Variants in EPG5 observed in about 807,000 individuals in gnomAD.
The protein encoded by EPG5 is ectopic P granules protein 5 homolog.
Under a neutral mutation model 302.7 loss-of-function variants are expected in EPG5, and 159 were observed. The observed-to-expected ratio is 0.53, with a 90% confidence interval of 0.46 to 0.60. The LOEUF (loss-of-function observed/expected upper bound fraction) is 0.60. Ranked by LOEUF, EPG5 falls within the 20% of genes least tolerant of loss-of-function variation. The pLI, the probability that EPG5 is intolerant of heterozygous loss-of-function variation, is 0.00. For missense variants in EPG5, 2,896 were observed against 3,092.4 expected (o/e 0.94, Z 1.51); for synonymous variants, 1,158 against 1,136.8 (o/e 1.02, Z -0.37).
At chr18:45,824,630 G>C in the EPG5 span, among the ~76,000 whole-genome samples, 1 of 152,196 alleles carries the variant, frequency 6.6e-6, no homozygotes, top group South Asian at 2.1e-4. Flanking sequence ...CCATGAGAAG[G>C]GATACAGCCT....
chr18:45,930,841 A>G lies in EPG5; in HGVS notation c.2258-11T>C, dbSNP rs1014193138. 8 of 1,575,958 alleles carry G rather than the reference A, an allele frequency of 5.1e-6. No individual in the cohort carries two copies. Among genetic ancestry groups the G allele is most frequent in the Non-Finnish European group, 6.0e-6 (7 of 1,168,118 alleles). ...TAAAATGTTCTGGGTCTGCAAGTTC[A>G]TATCAAGAAAATTAGAGTGGGGAAA... On this transcript the variant is annotated splice_polypyrimidine_tract_variant and intron_variant, in intron 11 of 43. Transcript: ENST00000282041.
the EPG5 span, among the ~76,000 whole-genome samples, chr18:45,836,570 T>C: frequency 1.8e-4 from 27 of 152,282 alleles, no homozygotes; most frequent in South Asian, 5.6e-3. Flanking sequence ...GGCAGAGCTC[T>C]GCTTCCAGAC....
chr18:45,840,994 C>T, the EPG5 span: 1 of 152,210 alleles, frequency 6.6e-6, no homozygotes, highest in African/African-American at 2.4e-5. Flanking sequence ...TATTGAGTAC[C>T]TACTGCATAC....
chr18:45,957,975 T>C (rs568431825), intron 1 of EPG5, among the ~76,000 whole-genome samples: 1 of 152,238 alleles, frequency 6.6e-6, no homozygotes, highest in South Asian at 2.1e-4. Flanking sequence ...GCATTTGACT[T>C]TGTGACCCCT....
Position 45,856,666 on chromosome 18 carries a change from T to C in EPG5, c.7443-979A>G, listed in dbSNP as rs535056571. Among the ~76,000 whole-genome samples, 5 of 152,334 alleles carry C rather than the reference T, an allele frequency of 3.3e-5. No individual in the cohort carries two copies. In the East Asian group the frequency reaches 9.6e-4, roughly 29 times the overall value. On this transcript the variant is annotated intron_variant, in intron 42 of 43. Transcript: ENST00000282041. ...CACCGCAAACAAAAAAACATGACGT[T>C]AACTGGTTTGGAATGAGTGAGTCCC...
the EPG5 span, among the ~76,000 whole-genome samples, chr18:45,811,610 G>T: frequency 1.3e-5 from 2 of 152,180 alleles, no homozygotes; most frequent in Admixed American, 1.3e-4. Flanking sequence ...GGCTGGTTCA[G>T]CATACGCAAA....
rs748593365 is a variant in EPG5, at chr18:45,954,536, T to C, written c.866A>G (p.Glu289Gly). 3.1e-6 allele frequency: 5 copies of C among 1,614,140 alleles called. No homozygotes were observed. The highest frequency in any genetic ancestry group is 4.5e-5 in the East Asian group (2 of 44,906). ...FDSMAHQDRHEFYELLLNYSR... is the reference protein window; with the variant it reads ...FDSMAHQDRHGFYELLLNYSR... ...GTAGTTCAAAAGCAACTCATAAAAT[T>C]CATGCCTGTCTTGATGAGCCATGCT... Residue 289 changes from glutamate to glycine, a missense_variant, in exon 2 of 44, where the codon GAA becomes GGA. Coordinates refer to ENST00000282041, the MANE Select transcript of EPG5 (RefSeq NM_020964.3).
intron 17 of EPG5, 142 bp from the exon 18 acceptor site, chr18:45,916,724 G>T: frequency 2.4e-6 from 2 of 825,150 alleles, no homozygotes; most frequent in Non-Finnish European, 3.6e-6. Context: ...GATTCTAGAA[G>T]AATAAAGTTT....
At chr18:45,804,344 T>C in the EPG5 span, among the ~76,000 whole-genome samples, 22 of 152,100 alleles carry the variant, frequency 1.4e-4, no homozygotes, top group Non-Finnish European at 7.4e-5. Context: ...ACAGAGGACA[T>C]GGGGTAGAAA....
At chr18:45,813,213 G>A in the EPG5 span, among the ~76,000 whole-genome samples, 1 of 152,156 alleles carries the variant, frequency 6.6e-6, no homozygotes. Context: ...AAACCACAAT[G>A]AGATACCATC....
rs1295662543 is a variant in EPG5, at chr18:45,955,041, T to C, written c.361A>G (p.Lys121Glu). 6.2e-7 allele frequency: 1 copy of C among 1,614,066 alleles called. No individual in the cohort carries two copies. The highest frequency in any genetic ancestry group is 8.5e-7 in the Non-Finnish European group (1 of 1,180,028). ...CCAACATTGTCTCCAGGGTGGACCTTTGGAGTGACTGCACTGTCCCCCACA... is the reference window on the plus strand; with the variant it reads ...CCAACATTGTCTCCAGGGTGGACCTCTGGAGTGACTGCACTGTCCCCCACA... Reference protein sequence around the residue: ...PCVGDSAVTPKVHPGDNVGTK... With the variant: ...PCVGDSAVTPEVHPGDNVGTK... The change falls in exon 2 of 44, where the codon AAG becomes GAG. Residue 121 changes from lysine to glutamate, a missense_variant. By Grantham distance (56) the Lys-to-Glu change is moderately conservative. Around this residue, in one of 5 missense-constraint regions of EPG5, gnomAD observed 1,390 missense variants for 1,430.0 expected, o/e 0.97. Transcript: ENST00000282041.
chr18:45,830,537 A>C, the EPG5 span, among the ~76,000 whole-genome samples: 3 of 151,876 alleles, frequency 2.0e-5, no homozygotes, highest in African/African-American at 7.3e-5. Context: ...CAGTTTTCTG[A>C]ATACCTAAAA....
At chr18:45,904,979 G>C (rs1176099956) in intron 24 of EPG5, among the ~76,000 whole-genome samples, 1 of 152,112 alleles carries the variant, frequency 6.6e-6, no homozygotes, top group East Asian at 1.9e-4. Context: ...TGGGGAGGGG[G>C]AGAAGAGCAT....
the EPG5 span, among the ~76,000 whole-genome samples, chr18:45,807,870 C>G: frequency 6.6e-6 from 1 of 152,028 alleles, no homozygotes; most frequent in African/African-American, 2.4e-5. Flanking sequence ...GGATTCAAAC[C>G]AAGAAGAAAT....
chr18:45,941,728 T>C (rs567119626), intron 9 of EPG5, among the ~76,000 whole-genome samples: 54 of 152,338 alleles, frequency 3.5e-4, no homozygotes, highest in African/African-American at 1.1e-3. Flanking sequence ...TCCTACATCA[T>C]GTAAGTGAGC....
At chr18:45,826,344 T>A in the EPG5 span, among the ~76,000 whole-genome samples, 1 of 152,186 alleles carries the variant, frequency 6.6e-6, no homozygotes, top group South Asian at 2.1e-4. Flanking sequence ...CTCGGTGACT[T>A]GGTATCCTGG....
chr18:45,952,524 G>C lies in EPG5; in HGVS notation c.1128C>G (p.His376Gln), dbSNP rs1443827591. ...KLFDAKSEHLHQTLALHSYTS... is the reference protein window; with the variant it reads ...KLFDAKSEHLQQTLALHSYTS... ...TATAAGAATGAAGGGCCAGGGTCTG[G>C]TGGAGGTGCTCAGATTTGGCATCGA... The change falls in exon 3 of 44, where the codon CAC becomes CAG. Residue 376 changes from histidine (H) to glutamine (Q), a missense_variant. Transcript: ENST00000282041. 1.9e-6 allele frequency: 3 copies of C among 1,614,172 alleles called. No individual in the cohort carries two copies. The highest frequency in any genetic ancestry group is 1.7e-5 in the Admixed American group (1 of 60,024).
the EPG5 span, among the ~76,000 whole-genome samples, chr18:45,824,052 A>C: frequency 1.3e-5 from 2 of 152,150 alleles, no homozygotes; most frequent in Non-Finnish European, 2.9e-5. Flanking sequence ...GCTGACCCAG[A>C]GGATGAAAAT....
intron 2 of EPG5, among the ~76,000 whole-genome samples, chr18:45,953,046 G>A (rs754794977): frequency 3.3e-5 from 5 of 152,132 alleles, no homozygotes; most frequent in South Asian, 4.2e-4. Context: ...GGTGGTGGGC[G>A]CCTATAATCC....
Sources: allele counts gnomAD v4.1 joint callset (sites outside exome capture counted in the v4.1 genomes callset), GRCh38; gene constraint gnomAD v4.1.1; regional missense constraint gnomAD v4.1.1; transcripts MANE v1.5; gene names NCBI Gene and HGNC (gene_info 2026-07-23, HGNC 2026-07-21).